BMPR1B: variants seen among roughly 807,000 people sequenced by gnomAD.
BMPR1B encodes bone morphogenetic protein receptor type-1B.
A neutral mutation model predicts 59.1 loss-of-function variants in BMPR1B; 12 were observed. The observed-to-expected ratio is 0.20, with a 90% CI of 0.13 to 0.33. The LOEUF (loss-of-function observed/expected upper bound fraction) is 0.33, where lower values mean the gene tolerates loss of function less well. Among genes scored for constraint, BMPR1B ranks in the 10% least tolerant of loss-of-function variants. The pLI, the probability that BMPR1B is intolerant of heterozygous loss-of-function variation, is 1.00. For missense variants in BMPR1B, 550 were observed against 610.9 expected (o/e 0.90, Z 1.05); for synonymous variants, 237 against 207.3 (o/e 1.14, Z -1.23).
At chr4:94,964,867 A>G (rs901982940) in intron 2 of BMPR1B, among the ~76,000 whole-genome samples, 2 of 152,150 alleles carry the variant, frequency 1.3e-5, no homozygotes, top group African/African-American at 4.8e-5. Context: ...CTATGTTAGT[A>G]TATTTAAATG....
intron 1 of BMPR1B, among the ~76,000 whole-genome samples, chr4:94,851,631 C>G (rs1725568900): frequency 6.6e-6 from 1 of 151,792 alleles, no homozygotes; most frequent in Non-Finnish European, 1.5e-5. Flanking sequence ...ACACATACCT[C>G]TAATTTATAC....
intron 2 of BMPR1B, among the ~76,000 whole-genome samples, chr4:94,971,803 T>G (rs999921772): frequency 2.6e-5 from 4 of 152,158 alleles, no homozygotes; most frequent in East Asian, 3.9e-4. Context: ...AGTTTATTTC[T>G]TATATACTCC....
intron 2 of BMPR1B, among the ~76,000 whole-genome samples, chr4:94,973,390 A>G (rs1357390012): frequency 6.6e-6 from 1 of 152,190 alleles, no homozygotes. Context: ...TTTTATTGTC[A>G]ATGAAAGTGG....
intron 3 of BMPR1B, among the ~76,000 whole-genome samples, chr4:95,014,485 T>A (rs1723441990): frequency 6.6e-6 from 1 of 152,212 alleles, no homozygotes; most frequent in Non-Finnish European, 1.5e-5. Context: ...AAACTCCAAC[T>A]AATATTAAAT....
At chr4:94,932,885 C>T (rs1181653413) in intron 2 of BMPR1B, among the ~76,000 whole-genome samples, 1 of 152,080 alleles carries the variant, frequency 6.6e-6, no homozygotes, top group Non-Finnish European at 1.5e-5. Context: ...AGTTCTGATT[C>T]ATCCTGTATT....
intron 3 of BMPR1B, among the ~76,000 whole-genome samples, chr4:95,081,311 G>A (rs757888580): frequency 1.3e-5 from 2 of 152,118 alleles, no homozygotes; most frequent in Non-Finnish European, 2.9e-5. Context: ...TACTACAGGT[G>A]TCTTGAGACT....
At chr4:95,089,455 G>A (rs558843057) in intron 3 of BMPR1B, among the ~76,000 whole-genome samples, 3 of 152,096 alleles carry the variant, frequency 2.0e-5, no homozygotes, top group Non-Finnish European at 2.9e-5. Flanking sequence ...ATATGAATTC[G>A]ATAAAAGAAT....
chr4:94,821,281 T>A (rs549564530), intron 1 of BMPR1B, among the ~76,000 whole-genome samples: 1 of 152,308 alleles, frequency 6.6e-6, no homozygotes, highest in Non-Finnish European at 1.5e-5. Flanking sequence ...ATGTATTTGG[T>A]AACTAGTAAG....
At chr4:94,949,327 T>TTTTTTTTTA in intron 2 of BMPR1B, among the ~76,000 whole-genome samples, 1 of 98,556 alleles carries the variant, frequency 1.0e-5, no homozygotes, top group African/African-American at 4.5e-5. Flanking sequence ...TTTTTTTTTT[T>TTTTTTTTTA]GAGACGGAGT....
intron 4 of BMPR1B, among the ~76,000 whole-genome samples, chr4:95,112,157 C>G (rs745716729): frequency 5.3e-5 from 8 of 152,068 alleles, no homozygotes; most frequent in Non-Finnish European, 1.0e-4. Flanking sequence ...CCTGATTCAT[C>G]CTATGTTCAT....
intron 3 of BMPR1B, among the ~76,000 whole-genome samples, chr4:95,046,672 T>C (rs1283669457): frequency 6.6e-6 from 1 of 152,178 alleles, no homozygotes; most frequent in Non-Finnish European, 1.5e-5. Context: ...TTAGTAGTAC[T>C]CTCCATAGTG....
At chr4:94,952,832 C>T (rs1377633011) in intron 2 of BMPR1B, among the ~76,000 whole-genome samples, 1 of 152,050 alleles carries the variant, frequency 6.6e-6, no homozygotes, top group Non-Finnish European at 1.5e-5. Flanking sequence ...TTCTGTCTCA[C>T]TGATCTATCA....
At chr4:95,048,413 C>T (rs570933235) in intron 3 of BMPR1B, among the ~76,000 whole-genome samples, 2 of 152,236 alleles carry the variant, frequency 1.3e-5, no homozygotes, top group South Asian at 4.2e-4. Flanking sequence ...ATTTATATTC[C>T]CACAAGCAAT....
At chr4:94,834,938 C>T (rs1724742995) in intron 1 of BMPR1B, among the ~76,000 whole-genome samples, 1 of 146,096 alleles carries the variant, frequency 6.8e-6, no homozygotes, top group African/African-American at 2.5e-5. Context: ...GTTTGTGTTT[C>T]TTTGTTTTTT....
At chr4:95,116,858 C>T (rs915727275) in intron 6 of BMPR1B, among the ~76,000 whole-genome samples, 1 of 152,134 alleles carries the variant, frequency 6.6e-6, no homozygotes, top group South Asian at 2.1e-4. Flanking sequence ...TAATGATTCA[C>T]ATCAAAGCCT....
chr4:94,986,018 C>G (rs994916558), intron 2 of BMPR1B, among the ~76,000 whole-genome samples: 1 of 152,080 alleles, frequency 6.6e-6, no homozygotes, highest in East Asian at 1.9e-4. Context: ...TTCATTTTCT[C>G]TACTGGTGTT....
At position 95,116,421 on chromosome 4, in the gene BMPR1B, GCACA is replaced by G. The variant is rs35436544; in HGVS notation, c.349+674_349+677del. On this transcript the variant is annotated intron_variant, in intron 6 of 12. Transcript: ENST00000515059. ...CTCCTCCTCCATGCTTTCAGCGCGC[GCACA>G]CACACACACACACACACACACACAC... is the stretch of plus-strand genomic sequence containing the variant. Among the ~76,000 whole-genome samples, 708 of 123,208 alleles carry G rather than the reference GCACA, an allele frequency of 5.7e-3. 3 individuals are homozygous for G. The highest frequency in any genetic ancestry group is 0.021 in the East Asian group (90 of 4,296). The allele number at this position is 123,208 out of a possible 152,430, so 80.8% of individuals were successfully genotyped here. A position where few individuals can be genotyped will look rare whatever the true frequency, so the allele number is the denominator to read the frequency against.
chr4:94,968,372 C>T (rs952990193), intron 2 of BMPR1B, among the ~76,000 whole-genome samples: 3 of 151,518 alleles, frequency 2.0e-5, no homozygotes, highest in Non-Finnish European at 4.4e-5. Context: ...TTTTTTTAAT[C>T]ATGGAGCAAG....
chr4:95,018,803 A>T (rs1244808375), intron 3 of BMPR1B, among the ~76,000 whole-genome samples: 4 of 152,180 alleles, frequency 2.6e-5, no homozygotes, highest in Admixed American at 2.6e-4. Context: ...TAAGAAATGG[A>T]ACCTGAACTG....
Sources: allele counts gnomAD v4.1 joint callset (sites outside exome capture counted in the v4.1 genomes callset), GRCh38; gene constraint gnomAD v4.1.1; transcripts MANE v1.5; gene names NCBI Gene and HGNC (gene_info 2026-07-23, HGNC 2026-07-21).